Variants in AGFG1 observed in about 807,000 individuals in gnomAD.
The protein encoded by AGFG1 is arf-GAP domain and FG repeat-containing protein 1.
Under a neutral mutation model 60.6 loss-of-function variants are expected in AGFG1, and 10 were observed. The ratio of observed to expected loss-of-function variants is 0.16; its 90% CI spans 0.10 to 0.28. The LOEUF (loss-of-function observed/expected upper bound fraction) is 0.28. Ranked by LOEUF, AGFG1 falls within the 10% of genes least tolerant of loss-of-function variation. AGFG1 has a pLI of 1.00. For missense variants in AGFG1, 537 were observed against 676.5 expected (o/e 0.79, Z 2.29); for synonymous variants, 247 against 242.9 (o/e 1.02, Z -0.16).
chr2:227,539,880 G>A (rs1248069392), intron 10 of AGFG1, among the ~76,000 whole-genome samples: 2 of 151,980 alleles, frequency 1.3e-5, no homozygotes, highest in African/African-American at 4.8e-5. Context: ...CTGTCACCCA[G>A]ACTGGAGTGC....
At chr2:227,539,457 A>AAAAAAACAC (rs139764867) in intron 10 of AGFG1, among the ~76,000 whole-genome samples, 7 of 129,944 alleles carry the variant, frequency 5.4e-5, no homozygotes, top group Non-Finnish European at 9.7e-5. Flanking sequence ...AAAACAAAAA[A>AAAAAAACAC]CACATGTTAA....
At chr2:227,532,103 A>G in intron 6 of AGFG1, 1 of 1,489,072 alleles carries the variant, frequency 6.7e-7, no homozygotes, top group Non-Finnish European at 9.0e-7. Context: ...TTTTTTCTTT[A>G]ACTTTCATCA....
chr2:227,496,236 A>G (rs2106175317), intron 2 of AGFG1, among the ~76,000 whole-genome samples: 1 of 152,308 alleles, frequency 6.6e-6, no homozygotes, highest in East Asian at 1.9e-4. Context: ...GATTAAAAAC[A>G]AAACAAAATG....
rs964869013 is a variant in AGFG1 at position 227,516,016 on chromosome 2, G to C, written c.262-3932G>C. On this transcript the variant is annotated intron_variant, in intron 2 of 12. Transcript: ENST00000310078. ...ATCTTACCCCGTAATAGGCTTACTG[G>C]CTAAATTTGGGAGATGCTGAAAGCT... 1.9e-4 allele frequency among the ~76,000 whole-genome samples: 29 copies of C among 152,258 alleles called. 1 individual carries two copies. Among genetic ancestry groups the C allele is most frequent in the African/African-American group, 7.0e-4 (29 of 41,542 alleles).
At chr2:227,519,169 CA>C (rs2106203864) in intron 2 of AGFG1, among the ~76,000 whole-genome samples, 1 of 152,228 alleles carries the variant, frequency 6.6e-6, no homozygotes, top group East Asian at 1.9e-4. Flanking sequence ...TTTTCTCAAA[CA>C]AACAAAAACC....
chr2:227,559,031 A>G lies in AGFG1; in HGVS notation c.*4536A>G, dbSNP rs1001176834. ...TGAACACTTGTTTATTTTTAGAGAT[A>G]TACTGGGCACTGAGGTATTTAATCT... On this transcript the variant is annotated 3_prime_UTR_variant, in exon 13 of 13. Transcript: ENST00000310078. 1.3e-5 allele frequency: 2 copies of G among 152,208 alleles called. No homozygotes were observed. Among genetic ancestry groups the G allele is most frequent in the East Asian group, 1.9e-4 (1 of 5,202 alleles). The allele number at this position is 152,208 out of a possible 1,614,324, so 9.4% of individuals were successfully genotyped here.
intron 5 of AGFG1, among the ~76,000 whole-genome samples, chr2:227,526,595 T>C: frequency 6.8e-6 from 1 of 146,280 alleles, no homozygotes; most frequent in Non-Finnish European, 1.5e-5. Context: ...CACACTGGTG[T>C]GCAGTGGCAC....
intron 3 of AGFG1, 150 bp from the exon 4 acceptor site, chr2:227,523,613 A>T: frequency 2.8e-6 from 2 of 722,096 alleles, no homozygotes; most frequent in Non-Finnish European, 2.2e-6. Context: ...TTCCTTTTTT[A>T]AAAAATATGC....
intron 2 of AGFG1, among the ~76,000 whole-genome samples, chr2:227,518,167 T>C (rs1242615433): frequency 6.6e-6 from 1 of 152,240 alleles, no homozygotes; most frequent in Non-Finnish European, 1.5e-5. Context: ...ATAATGTTCT[T>C]CTTTGGATAT....
At chr2:227,519,257 T>A (rs764763344) in intron 2 of AGFG1, among the ~76,000 whole-genome samples, 1 of 152,266 alleles carries the variant, frequency 6.6e-6, no homozygotes, top group Non-Finnish European at 1.5e-5. Flanking sequence ...CAAGTTCTTA[T>A]ACATTTTACA....
At chr2:227,518,516 C>CTTTTTTT (rs1222543055) in intron 2 of AGFG1, among the ~76,000 whole-genome samples, 1 of 102,338 alleles carries the variant, frequency 9.8e-6, no homozygotes, top group Admixed American at 1.1e-4. Flanking sequence ...GTCTCAGTGT[C>CTTTTTTT]TTTTTTTTTT....
rs1303234047 is a variant in AGFG1, at chr2:227,556,484, A to G, written c.*1989A>G. 1 of 152,618 alleles carries G rather than the reference A, an allele frequency of 6.6e-6. No individual in the cohort carries two copies. Among genetic ancestry groups the G allele is most frequent in the Non-Finnish European group, 1.5e-5 (1 of 68,040 alleles). The allele number at this position is 152,618 out of a possible 1,614,324, so 9.5% of individuals were successfully genotyped here. A position where few individuals can be genotyped will look rare whatever the true frequency, so the allele number is the denominator to read the frequency against. ...TGATGTAGACTTGAAATGTCTCCAC[A>G]TTTTGGAGGACTTCCTCAGCCCTTT... On this transcript the variant is annotated 3_prime_UTR_variant, in exon 13 of 13. Coordinates refer to ENST00000310078, the MANE Select transcript of AGFG1 (RefSeq NM_004504.5).
At chr2:227,537,275 A>G (rs1185178178) in intron 10 of AGFG1, among the ~76,000 whole-genome samples, 3 of 152,166 alleles carry the variant, frequency 2.0e-5, no homozygotes, top group Non-Finnish European at 2.9e-5. Context: ...ACTCCACAGA[A>G]CGTTTATGAC....
chr2:227,534,538 T>A (rs1006630519), intron 7 of AGFG1, among the ~76,000 whole-genome samples: 1 of 152,210 alleles, frequency 6.6e-6, no homozygotes, highest in African/African-American at 2.4e-5. Flanking sequence ...GTGAACAAGA[T>A]CCACCCGTCT....
At chr2:227,481,249 T>C (rs1690453766) in intron 1 of AGFG1, among the ~76,000 whole-genome samples, 1 of 152,086 alleles carries the variant, frequency 6.6e-6, no homozygotes, top group Non-Finnish European at 1.5e-5. Context: ...TGACTGTCAT[T>C]CTGTGTGTTT....
At chr2:227,552,463 T>G (rs1046925834) in intron 11 of AGFG1, among the ~76,000 whole-genome samples, 4 of 152,174 alleles carry the variant, frequency 2.6e-5, no homozygotes, top group African/African-American at 9.7e-5. Flanking sequence ...TTGGGATTTT[T>G]TTTTCCTTTC....
chr2:227,524,630 A>G (rs1208138333), intron 4 of AGFG1, 132 bp from the exon 5 acceptor site: 2 of 932,458 alleles, frequency 2.1e-6, no homozygotes, highest in Non-Finnish European at 3.2e-6. Flanking sequence ...ATTGAGTGAA[A>G]AATGAGAAAG....
At chr2:227,500,347 G>C (rs1443847450) in intron 2 of AGFG1, among the ~76,000 whole-genome samples, 5 of 152,194 alleles carry the variant, frequency 3.3e-5, no homozygotes, top group Non-Finnish European at 7.3e-5. Flanking sequence ...GTTATCTTTT[G>C]ATAGGAGAAC....
Position 227,557,389 on chromosome 2 carries a change from C to G in AGFG1, c.*2894C>G, listed in dbSNP as rs75999405. 1 of 152,230 alleles carries G rather than the reference C, an allele frequency of 6.6e-6. No individual in the cohort carries two copies. The highest frequency in any genetic ancestry group is 2.4e-5 in the African/African-American group (1 of 41,514). The allele number at this position is 152,230 out of a possible 1,614,324, so 9.4% of individuals were successfully genotyped here. A position where few individuals can be genotyped will look rare whatever the true frequency, so the allele number is the denominator to read the frequency against. Reference sequence around the variant, plus strand: ...CTTTACCTGTGAAATTCCCCGCCCCCCTGCACACACACCCACTTTAGTACA... The same window carrying G: ...CTTTACCTGTGAAATTCCCCGCCCCGCTGCACACACACCCACTTTAGTACA... On this transcript the variant is annotated 3_prime_UTR_variant, in exon 13 of 13. Coordinates refer to ENST00000310078, the MANE Select transcript of AGFG1 (RefSeq NM_004504.5).
Sources: gnomAD v4.1 joint callset for allele counts (sites outside exome capture counted in the v4.1 genomes callset) on GRCh38, gnomAD v4.1.1 for gene constraint, MANE v1.5 for transcripts, NCBI Gene and HGNC (gene_info 2026-07-23, HGNC 2026-07-21) for gene names.